The following RUNX1T1 variants were observed in gnomAD, a reference collection of about 807,000 sequenced individuals.
RUNX1T1 encodes RUNX1 partner transcriptional co-repressor 1.
RUNX1T1 carries 4 observed loss-of-function variants against 62.8 expected under a neutral mutation model. The ratio of observed to expected loss-of-function variants is 0.06; its 90% confidence interval spans 0.03 to 0.15. RUNX1T1 has a LOEUF of 0.15. RUNX1T1 is among the 10% of genes least tolerant of loss of function. RUNX1T1 has a pLI of 1.00. For missense variants in RUNX1T1, 508 were observed against 754.3 expected (o/e 0.67, Z 3.82); for synonymous variants, 291 against 286.0 (o/e 1.02, Z -0.18).
At chr8:92,014,551 A>G in intron 3 of RUNX1T1, 28 bp downstream of exon 4, 1 of 1,568,528 alleles carries the variant, frequency 6.4e-7, no homozygotes, top group South Asian at 1.2e-5. Flanking sequence ...TTACACCAAG[A>G]AAACTGGGTT....
At chr8:92,001,237 A>C (rs896663801) in intron 5 of RUNX1T1, among the ~76,000 whole-genome samples, 8 of 152,156 alleles carry the variant, frequency 5.3e-5, no homozygotes, top group African/African-American at 1.9e-4. Flanking sequence ...TTTTGGTATG[A>C]AATGTAAAAA....
At chr8:92,003,024 C>T (rs992000291) in intron 5 of RUNX1T1, among the ~76,000 whole-genome samples, 1 of 152,182 alleles carries the variant, frequency 6.6e-6, no homozygotes, top group African/African-American at 2.4e-5. Flanking sequence ...CTAAGGAAAC[C>T]CATTTGCCAT....
At chr8:91,979,070 T>A (rs1439313553) in intron 8 of RUNX1T1, among the ~76,000 whole-genome samples, 1 of 152,226 alleles carries the variant, frequency 6.6e-6, no homozygotes, top group East Asian at 1.9e-4. Flanking sequence ...TCTAAGTTAG[T>A]GTACTTGATA....
chr8:92,054,640 G>T (rs556567504), intron 1 of RUNX1T1, among the ~76,000 whole-genome samples: 1 of 152,230 alleles, frequency 6.6e-6, no homozygotes, highest in South Asian at 2.1e-4. Flanking sequence ...TTGATAGATG[G>T]CCTCATAAAA....
chr8:91,981,554 A>T (rs1563661458), intron 8 of RUNX1T1, among the ~76,000 whole-genome samples: 1 of 151,616 alleles, frequency 6.6e-6, no homozygotes, highest in Non-Finnish European at 1.5e-5. Flanking sequence ...AGCTGGGACT[A>T]CAGGGGTGCA....
chr8:91,960,559 C>T (rs968832736), intron 10 of RUNX1T1, 42 bp from the exon 12 acceptor site: 1 of 1,594,296 alleles, frequency 6.3e-7, no homozygotes, highest in Non-Finnish European at 8.6e-7. Flanking sequence ...CAAGTTAATA[C>T]ACTGTTAAGA....
intron 8 of RUNX1T1, among the ~76,000 whole-genome samples, chr8:91,982,624 T>C (rs1427021702): frequency 1.3e-5 from 2 of 152,214 alleles, no homozygotes; most frequent in Non-Finnish European, 2.9e-5. Context: ...AACTTAAATG[T>C]ATAAATAAGT....
chr8:92,015,903 C>T lies in RUNX1T1; in HGVS notation c.146-1083G>A, dbSNP rs77734401. 4.1e-3 allele frequency among the ~76,000 whole-genome samples: 620 copies of T among 152,306 alleles called. 4 individuals are homozygous for T. The highest frequency in any genetic ancestry group is 0.014 in the African/African-American group (587 of 41,560). On this transcript the variant is annotated intron_variant, in intron 2 of 10. Transcript: ENST00000396218. ...AGGAGACATATGCTTACCCCTGTGG[C>T]TTTGGGTAACAACAAACCAAATATA...
chr8:92,075,976 T>C (rs1452883819), exon 2 of RUNX1T1: 2 of 1,611,208 alleles, frequency 1.2e-6, no homozygotes, highest in Non-Finnish European at 1.7e-6. Context: ...TTGACAATAT[T>C]CAAAGTTCCC....
At chr8:92,022,325 G>A (rs1027840642) in intron 1 of RUNX1T1, among the ~76,000 whole-genome samples, 1 of 152,106 alleles carries the variant, frequency 6.6e-6, no homozygotes, top group Admixed American at 6.5e-5. Context: ...GAAGATGCTG[G>A]AGACCTGAAA....
chr8:92,032,105 A>AG (rs1826363699), intron 1 of RUNX1T1, among the ~76,000 whole-genome samples: 1 of 150,808 alleles, frequency 6.6e-6, no homozygotes, highest in Non-Finnish European at 1.5e-5. Flanking sequence ...AAAAAAAAAA[A>AG]AAAAAAAAAA....
intron 4 of RUNX1T1, 183 bp from the exon 6 acceptor site, chr8:92,005,480 C>T (rs1016819879): frequency 5.2e-5 from 29 of 562,352 alleles, no homozygotes; most frequent in Admixed American, 1.9e-4. Flanking sequence ...GCGCAGATTG[C>T]CCTAAGTGTG....
At chr8:92,086,163 T>A (rs1377649223) in intron 1 of RUNX1T1, among the ~76,000 whole-genome samples, 1 of 152,226 alleles carries the variant, frequency 6.6e-6, no homozygotes. Context: ...TGAGCCCAAG[T>A]CTGAGGCCTG....
intron 1 of RUNX1T1, among the ~76,000 whole-genome samples, chr8:92,055,039 A>G: frequency 6.6e-6 from 1 of 152,134 alleles, no homozygotes; most frequent in Non-Finnish European, 1.5e-5. Context: ...ATAAAAAAAT[A>G]CACTCAGCAC....
intron 1 of RUNX1T1, among the ~76,000 whole-genome samples, chr8:92,097,284 G>A (rs1229836193): frequency 1.3e-5 from 2 of 152,110 alleles, no homozygotes; most frequent in Admixed American, 6.6e-5. Context: ...ACACTTGGCT[G>A]GCTACATTAC....
intron 1 of RUNX1T1, among the ~76,000 whole-genome samples, chr8:92,052,204 TAAAAG>T (rs1330211430): frequency 6.6e-6 from 1 of 152,122 alleles, no homozygotes; most frequent in African/African-American, 2.4e-5. Flanking sequence ...CAGAGAAAAA[TAAAAG>T]AAAATCTTTG....
chr8:92,039,733 C>G (rs1190877710), intron 1 of RUNX1T1, among the ~76,000 whole-genome samples: 1 of 152,156 alleles, frequency 6.6e-6, no homozygotes, highest in Non-Finnish European at 1.5e-5. Context: ...TGATGGCAAC[C>G]AATTGCTCAT....
chr8:91,967,272 A>G (rs2130556203), intron 10 of RUNX1T1, among the ~76,000 whole-genome samples: 1 of 152,260 alleles, frequency 6.6e-6, no homozygotes, highest in South Asian at 2.1e-4. Context: ...GTGGGTTCCC[A>G]TGAGCCTGGG....
At chr8:92,016,442 C>T (rs925307035) in intron 2 of RUNX1T1, among the ~76,000 whole-genome samples, 2 of 152,042 alleles carry the variant, frequency 1.3e-5, no homozygotes, top group Non-Finnish European at 2.9e-5. Flanking sequence ...TTTGGGAGGC[C>T]GAGGTGGGAG....
Sources: allele counts gnomAD v4.1 joint callset (sites outside exome capture counted in the v4.1 genomes callset), GRCh38; gene constraint gnomAD v4.1.1; transcripts MANE v1.5; gene names NCBI Gene and HGNC (gene_info 2026-07-23, HGNC 2026-07-21).